Variants in FOSL2 observed in about 807,000 individuals in gnomAD.
FOSL2 encodes fos-related antigen 2.
Under a neutral mutation model 27.7 loss-of-function variants are expected in FOSL2, and 3 were observed. That is an observed-to-expected ratio of 0.11 (90% CI 0.05 to 0.28). The LOEUF is 0.28. FOSL2 is among the 10% of genes least tolerant of loss of function. The pLI is 1.00. For missense variants in FOSL2, 333 were observed against 445.1 expected, an observed-to-expected ratio of 0.75 and a Z score of 2.27; for synonymous variants, 179 against 190.1, an observed-to-expected ratio of 0.94 and a Z score of 0.48.
Position 28,408,853 on chromosome 2 carries a change from A to G in FOSL2, c.449A>G (p.Glu150Gly). The change falls in exon 3 of 4, where the codon GAG becomes GGG. Residue 150 changes from glutamate (E) to glycine (G), a missense_variant. Transcript: ENST00000264716. This position sits in a 1 kb window ranked among gnomAD's most constrained non-coding sequence, Gnocchi z 4.1. Reference sequence around the variant, plus strand: ...CGGAACCGACGCCGGGAGCTGACAGAGAAGCTGCAGGCGGTGAGGAACTCT... The same window carrying G: ...CGGAACCGACGCCGGGAGCTGACAGGGAAGCTGCAGGCGGTGAGGAACTCT... ...KCRNRRRELT[E>G]KLQAETEELE... is the part of the protein sequence containing the mutation. The G allele has an allele frequency of 6.2e-7, 1 of 1,609,622 alleles. No homozygotes were observed. The highest frequency in any genetic ancestry group is 8.5e-7 in the Non-Finnish European group (1 of 1,177,834).
chr2:28,398,457 G>T lies in FOSL2; in HGVS notation c.102+4635G>T, dbSNP rs184721546. Among the ~76,000 whole-genome samples the T allele has an allele frequency of 2.0e-4, 31 of 152,332 alleles. 1 individual carries two copies. The East Asian group carries it at 5.8e-3, about 28-fold the overall frequency. On this transcript the variant is annotated intron_variant, in intron 1 of 3. Coordinates refer to ENST00000264716, the MANE Select transcript of FOSL2 (RefSeq NM_005253.4). ...TGTCATTCCCATGGAGTACAGAGCCGCCAGGGAGCTGTGGGGGCTCCAAAG... is the reference window on the plus strand; with the variant it reads ...TGTCATTCCCATGGAGTACAGAGCCTCCAGGGAGCTGTGGGGGCTCCAAAG...
Position 28,413,196 on chromosome 2 carries a change from A to G in FOSL2, c.*748A>G, listed in dbSNP as rs1009702856. 1.5e-4 allele frequency: 43 copies of G among 290,168 alleles called. No individual in the cohort carries two copies. Among genetic ancestry groups the G allele is most frequent in the Non-Finnish European group, 2.5e-4 (40 of 157,352 alleles). The allele number at this position is 290,168 out of a possible 1,614,324, so 18.0% of individuals were successfully genotyped here. On this transcript the variant is annotated 3_prime_UTR_variant, in exon 4 of 4. Transcript: ENST00000264716. ...TGGAGGAACGGCTTGGCCAGAAGAC[A>G]GGGTGTGAGTGAGACAGTGGGGCAC...
chr2:28,406,917 G>T (rs528651184), intron 2 of FOSL2, among the ~76,000 whole-genome samples: 1 of 152,230 alleles, frequency 6.6e-6, no homozygotes, highest in Non-Finnish European at 1.5e-5. Context: ...CGACTCTGAG[G>T]AGGTGGGGAG....
In FOSL2 at chr2:28,412,663, A is replaced by G. The variant is rs1436143707; in HGVS notation, c.*215A>G. 3.6e-6 allele frequency: 2 copies of G among 551,794 alleles called. No homozygotes were observed. 34.2% of individuals were successfully genotyped at this position (551,794 alleles called of 1,614,324 possible). ...AGCCATGGGACCTCCTCCCTCATTC[A>G]TCTTGCAAGCAAATCCCATTTCTTG... is the stretch of plus-strand genomic sequence containing the variant. On this transcript the variant is annotated 3_prime_UTR_variant, in exon 4 of 4. Coordinates refer to ENST00000264716, the MANE Select transcript of FOSL2 (RefSeq NM_005253.4). This position sits in a 1 kb window ranked among gnomAD's most constrained non-coding sequence, Gnocchi z 7.1.
chr2:28,394,083 C>T (rs1457297921), intron 1 of FOSL2, among the ~76,000 whole-genome samples: 1 of 150,796 alleles, frequency 6.6e-6, no homozygotes, highest in Non-Finnish European at 1.5e-5. Context: ...TTGTAGGCCC[C>T]CTACCAGGAG....
At chr2:28,397,384 G>C (rs936393516) in intron 1 of FOSL2, among the ~76,000 whole-genome samples, 1 of 151,958 alleles carries the variant, frequency 6.6e-6, no homozygotes, top group African/African-American at 2.4e-5. Context: ...CATAGATTAA[G>C]GGTCTGGGTG....
chr2:28,392,945 GGAGAGAGAGAGA>G lies in FOSL2; in HGVS notation c.-766_-755del, dbSNP rs72195155. On this transcript the variant is annotated 5_prime_UTR_variant, in exon 1 of 4. Coordinates refer to ENST00000264716, the MANE Select transcript of FOSL2 (RefSeq NM_005253.4). ...CGGCGCTCGGCGGGGACAGAAAGAG[GGAGAGAGAGAGA>G]GAGAGAGAGGGAGAGGCGCGGCCGG... The G allele has an allele frequency of 1.5e-6, 1 of 676,164 alleles. No individual in the cohort carries two copies. Among genetic ancestry groups the G allele is most frequent in the African/African-American group, 1.8e-5 (1 of 54,328 alleles). 41.9% of individuals were successfully genotyped at this position (676,164 alleles called of 1,614,324 possible).
chr2:28,410,465 C>T (rs940762512), intron 3 of FOSL2: 2 of 964,750 alleles, frequency 2.1e-6, no homozygotes, highest in South Asian at 4.8e-5. Context: ...GAGCCACATC[C>T]TCCACAGGAA....
At chr2:28,397,455 C>A (rs1311710618) in intron 1 of FOSL2, among the ~76,000 whole-genome samples, 1 of 151,998 alleles carries the variant, frequency 6.6e-6, no homozygotes, top group Non-Finnish European at 1.5e-5. Flanking sequence ...AAATGTTATC[C>A]CAAGAATTTG....
intron 2 of FOSL2, among the ~76,000 whole-genome samples, chr2:28,407,618 G>T (rs1156718574): frequency 6.6e-6 from 1 of 152,218 alleles, no homozygotes; most frequent in Non-Finnish European, 1.5e-5. Flanking sequence ...TTGCCCCCAG[G>T]TGTCCCGTGA....
At chr2:28,400,301 C>G (rs1322367304) in intron 1 of FOSL2, among the ~76,000 whole-genome samples, 1 of 152,224 alleles carries the variant, frequency 6.6e-6, no homozygotes, top group Non-Finnish European at 1.5e-5. Context: ...CGTAGAGAAC[C>G]ACGATTTATC....
rs1664311420 is a variant in FOSL2 at position 28,416,340 on chromosome 2, G to A, written c.*3892G>A. ...TGAGAGGGTTATGGGAAAGGGAGGG[G>A]GAGAAGAAATTGACATTTATTTTAT... On this transcript the variant is annotated 3_prime_UTR_variant, in exon 4 of 4. Transcript: ENST00000264716. 6.6e-6 allele frequency: 1 copy of A among 151,894 alleles called. No homozygotes were observed. Among genetic ancestry groups the A allele is most frequent in the Non-Finnish European group, 1.5e-5 (1 of 68,004 alleles). 9.4% of individuals were successfully genotyped at this position (151,894 alleles called of 1,614,324 possible).
intron 1 of FOSL2, among the ~76,000 whole-genome samples, chr2:28,396,570 A>G (rs1261944765): frequency 3.3e-5 from 5 of 152,090 alleles, no homozygotes; most frequent in Middle Eastern, 3.4e-3. Context: ...GCATTACGCA[A>G]TCCAGCCAGT....
intron 1 of FOSL2, among the ~76,000 whole-genome samples, chr2:28,402,358 T>C (rs1466117114): frequency 6.6e-6 from 1 of 152,278 alleles, no homozygotes; most frequent in Admixed American, 6.5e-5. Flanking sequence ...GTCTGGTTGA[T>C]GAGGCAGCCG....
intron 1 of FOSL2, chr2:28,395,920 T>C (rs766226686): frequency 1.3e-5 from 2 of 152,186 alleles, no homozygotes; most frequent in Non-Finnish European, 2.9e-5. Context: ...AGGACTGACC[T>C]CAGAGGCTTT....
In FOSL2 at chr2:28,393,818, A is replaced by C. The variant is rs778642185; in HGVS notation, c.98A>C (p.Gln33Pro). The C allele has an allele frequency of 3.0e-5, 48 of 1,594,326 alleles. No individual in the cohort carries two copies. Among genetic ancestry groups the C allele is most frequent in the Non-Finnish European group, 2.6e-6 (3 of 1,171,336 alleles). Reference sequence around the variant, plus strand: ...TCCTACTCCAGCGGCGGCGGCGGCCAGCAGGTAGGTGCGGGCCCCGGTGCA... The same window carrying C: ...TCCTACTCCAGCGGCGGCGGCGGCCCGCAGGTAGGTGCGGGCCCCGGTGCA... Reference protein sequence around the residue: ...AESYSSGGGGQQKFRVDMPGS... With the variant: ...AESYSSGGGGPQKFRVDMPGS... The change falls in exon 1 of 4, where the codon CAG becomes CCG. Residue 33 changes from glutamine to proline, a missense_variant. Around this residue, in one of 4 missense-constraint regions of FOSL2, gnomAD observed 131 missense variants for 157.9 expected, o/e 0.83. Coordinates refer to ENST00000264716, the MANE Select transcript of FOSL2 (RefSeq NM_005253.4). This position sits in a 1 kb window ranked among gnomAD's most constrained non-coding sequence, Gnocchi z 4.6.
chr2:28,411,365 G>A (rs1156822949), intron 3 of FOSL2, among the ~76,000 whole-genome samples: 2 of 152,096 alleles, frequency 1.3e-5, no homozygotes, highest in East Asian at 1.9e-4. Context: ...GGGAGTAAGA[G>A]AAGGAGAGAG....
Position 28,393,208 on chromosome 2 carries a change from A to C in FOSL2, c.-513A>C. 1 of 242,680 alleles carries C rather than the reference A, an allele frequency of 4.1e-6. No homozygotes were observed. The highest frequency in any genetic ancestry group is 7.8e-6 in the Non-Finnish European group (1 of 128,332). 15.0% of individuals were successfully genotyped at this position (242,680 alleles called of 1,614,324 possible). Reference sequence around the variant, plus strand: ...GCGGCGAGTCGGCCACGGGAAGTTTATTCTCCGGCTCCTTTTCTAAAAGGA... The same window carrying C: ...GCGGCGAGTCGGCCACGGGAAGTTTCTTCTCCGGCTCCTTTTCTAAAAGGA... On this transcript the variant is annotated 5_prime_UTR_variant, in exon 1 of 4. Transcript: ENST00000264716. The surrounding 1 kb of genome is among the most constrained non-coding windows in gnomAD (Gnocchi z 4.6).
intron 1 of FOSL2, chr2:28,394,613 C>T (rs2148075161): frequency 6.6e-6 from 1 of 152,562 alleles, no homozygotes; most frequent in South Asian, 2.1e-4. Flanking sequence ...ACGCAGGCTC[C>T]TGGGTGGTTC....
Sources: gnomAD v4.1 joint callset for allele counts (sites outside exome capture counted in the v4.1 genomes callset) on GRCh38, gnomAD v4.1.1 for gene constraint, gnomAD v4.1.1 regional missense constraint, Gnocchi (gnomAD v3.1) non-coding constraint, MANE v1.5 for transcripts, NCBI Gene and HGNC (gene_info 2026-07-23, HGNC 2026-07-21) for gene names.